NIM1K: variants seen among roughly 807,000 people sequenced by gnomAD.
NIM1K encodes serine/threonine-protein kinase NIM1.
A neutral mutation model predicts 37.1 loss-of-function variants in NIM1K; 35 were observed. The observed-to-expected ratio is 0.94, with a 90% CI of 0.72 to 1.25. The LOEUF (loss-of-function observed/expected upper bound fraction) is 1.25, where lower values mean the gene tolerates loss of function less well. NIM1K is among the 50% of genes most tolerant of loss of function. The pLI, the probability that NIM1K is intolerant of heterozygous loss-of-function variation, is 0.00. For missense variants in NIM1K, 564 were observed against 548.0 expected (o/e 1.03, Z -0.29); for synonymous variants, 234 against 206.6 (o/e 1.13, Z -1.14).
intron 1 of NIM1K, among the ~76,000 whole-genome samples, chr5:43,244,013 C>T (rs574271506): frequency 9.2e-5 from 14 of 152,362 alleles, no homozygotes; most frequent in Admixed American, 2.0e-4. Context: ...AGATTCCTTT[C>T]TCTCTATCCA....
At chr5:43,231,062 AATCCCAGG>A (rs1464638074) in intron 1 of NIM1K, among the ~76,000 whole-genome samples, 3 of 152,210 alleles carry the variant, frequency 2.0e-5, no homozygotes, top group African/African-American at 7.2e-5. Context: ...TCACACCTAT[AATCCCAGG>A]ATTTTGAGAG....
In NIM1K at chr5:43,261,830, C is replaced by T. The variant is rs146781908; in HGVS notation, c.293-15227C>T. ...TCCAGTTTCCACTTTCTACATATGG[C>T]CAGCCAGTTTTCCCAGCACCACTTA... On this transcript the variant is annotated intron_variant, in intron 2 of 3. Transcript: ENST00000326035. Among the ~76,000 whole-genome samples the T allele has an allele frequency of 7.1e-3, 1,076 of 152,280 alleles. 17 individuals carry two copies. The highest frequency in any genetic ancestry group is 0.025 in the African/African-American group (1,027 of 41,530).
chr5:43,280,129 T>A lies in NIM1K; in HGVS notation c.711T>A (p.Ala237=). 1 of 1,614,216 alleles carries A rather than the reference T, an allele frequency of 6.2e-7. No homozygotes were observed. Among genetic ancestry groups the A allele is most frequent in the South Asian group, 1.1e-5 (1 of 91,084 alleles). ...CTTTCTGTGGGTCTCCTCCCTACGC[T>A]GCGCCTGAACTCTTCCGGGACGAGC... ...LNTFCGSPPY[A]APELFRDEHY... Residue 237 remains alanine, a synonymous_variant, in exon 4 of 4, where the codon GCT becomes GCA. Transcript: ENST00000326035.
intron 2 of NIM1K, among the ~76,000 whole-genome samples, chr5:43,276,632 TTC>T (rs1753344717): frequency 6.6e-6 from 1 of 152,216 alleles, no homozygotes; most frequent in African/African-American, 2.4e-5. Flanking sequence ...AGAGAAAATC[TTC>T]TAGGCATGAA....
intron 1 of NIM1K, among the ~76,000 whole-genome samples, chr5:43,219,597 G>C (rs1184726354): frequency 6.6e-6 from 1 of 152,068 alleles, no homozygotes; most frequent in African/African-American, 2.4e-5. Flanking sequence ...ATGATATCAG[G>C]TGATATTAAA....
At chr5:43,260,576 AC>A (rs1265055412) in intron 2 of NIM1K, among the ~76,000 whole-genome samples, 4 of 151,906 alleles carry the variant, frequency 2.6e-5, no homozygotes, top group Non-Finnish European at 5.9e-5. Context: ...ATATTTATTG[AC>A]TTGCATATAT....
At chr5:43,265,614 C>T (rs1376749656) in intron 2 of NIM1K, among the ~76,000 whole-genome samples, 1 of 152,234 alleles carries the variant, frequency 6.6e-6, no homozygotes, top group Non-Finnish European at 1.5e-5. Flanking sequence ...CTGGAGCCTT[C>T]TTCTCTCAAC....
chr5:43,240,893 T>C (rs2112256466), intron 1 of NIM1K, among the ~76,000 whole-genome samples: 1 of 152,068 alleles, frequency 6.6e-6, no homozygotes, highest in East Asian at 1.9e-4. Flanking sequence ...CTTAACAGTA[T>C]ATCTTGGATA....
chr5:43,266,647 GAA>G (rs1163758772), intron 2 of NIM1K, among the ~76,000 whole-genome samples: 2 of 152,208 alleles, frequency 1.3e-5, no homozygotes, highest in African/African-American at 4.8e-5. Context: ...CCAGTGCGAT[GAA>G]CGCGGTACCT....
intron 2 of NIM1K, among the ~76,000 whole-genome samples, chr5:43,274,531 G>T (rs1753309390): frequency 6.6e-6 from 1 of 152,190 alleles, no homozygotes; most frequent in Admixed American, 6.5e-5. Flanking sequence ...ATAAATAGGT[G>T]AAGGGACTCT....
Position 43,280,395 on chromosome 5 carries a change from A to G in NIM1K, c.977A>G (p.Gln326Arg). 1.2e-6 allele frequency: 2 copies of G among 1,614,192 alleles called. No homozygotes were observed. The highest frequency in any genetic ancestry group is 2.2e-5 in the East Asian group (1 of 44,876). ...IDCIMNDEWM[Q>R]GVPYPTPLEP... Reference sequence around the variant, plus strand: ...TGCATCATGAATGATGAATGGATGCAAGGGGTGCCATACCCTACACCTTTG... The same window carrying G: ...TGCATCATGAATGATGAATGGATGCGAGGGGTGCCATACCCTACACCTTTG... The change falls in exon 4 of 4, where the codon CAA becomes CGA. Residue 326 changes from glutamine (Q) to arginine (R), a missense_variant. By Grantham distance (43) the Gln-to-Arg change is conservative. Coordinates refer to ENST00000326035, the MANE Select transcript of NIM1K (RefSeq NM_153361.4).
chr5:43,275,102 C>T (rs1288743690), intron 2 of NIM1K, among the ~76,000 whole-genome samples: 1 of 152,134 alleles, frequency 6.6e-6, no homozygotes, highest in Non-Finnish European at 1.5e-5. Context: ...ATAAGCAAAA[C>T]TAAATTGAAA....
chr5:43,212,464 C>T lies in NIM1K; in HGVS notation c.-695+20053C>T, dbSNP rs140226973. Among the ~76,000 whole-genome samples the T allele has an allele frequency of 2.2e-3, 335 of 151,744 alleles. 2 individuals are homozygous for T. Among genetic ancestry groups the T allele is most frequent in the Non-Finnish European group, 4.1e-3 (278 of 67,646 alleles). On this transcript the variant is annotated intron_variant, in intron 1 of 3. Coordinates refer to ENST00000326035, the MANE Select transcript of NIM1K (RefSeq NM_153361.4). ...AAATCCCTCCACAGTCTTTAAAATG[C>T]TCAGGACCAGAGTCAGCCTGTAACA...
In NIM1K at chr5:43,213,236, TCCTTTC is replaced by T. The variant is rs1561074950; in HGVS notation, c.-695+20826_-695+20831del. On this transcript the variant is annotated intron_variant, in intron 1 of 3. Transcript: ENST00000326035. ...TTCTTTCTTTCTTTCCTTCTTTTCT[TCCTTTC>T]TTTCTTTCTTGTTCTTTCTTGTTTC... is the stretch of plus-strand genomic sequence containing the variant. Among the ~76,000 whole-genome samples, 8 of 148,698 alleles carry T rather than the reference TCCTTTC, an allele frequency of 5.4e-5. 1 individual carries two copies. The highest frequency in any genetic ancestry group is 1.7e-4 in the African/African-American group (7 of 40,024).
chr5:43,193,196 A>C (rs1057015071), intron 1 of NIM1K: 3 of 152,198 alleles, frequency 2.0e-5, no homozygotes, highest in African/African-American at 7.2e-5. Context: ...TGCTTGACAC[A>C]TCTTGGCAGA....
intron 1 of NIM1K, among the ~76,000 whole-genome samples, chr5:43,200,745 G>A (rs1390234478): frequency 6.6e-6 from 1 of 152,192 alleles, no homozygotes; most frequent in Non-Finnish European, 1.5e-5. Context: ...AAAGAGTTGA[G>A]GTCAGCTGGT....
chr5:43,243,695 A>G (rs1752737217), intron 1 of NIM1K, among the ~76,000 whole-genome samples: 1 of 151,986 alleles, frequency 6.6e-6, no homozygotes, highest in Admixed American at 6.6e-5. Flanking sequence ...TGTTTTTTTG[A>G]GACAGGGTCC....
At chr5:43,230,541 G>A (rs1752522943) in intron 1 of NIM1K, among the ~76,000 whole-genome samples, 1 of 152,080 alleles carries the variant, frequency 6.6e-6, no homozygotes, top group Non-Finnish European at 1.5e-5. Context: ...AAACTTCTCT[G>A]TTATAAAATA....
In NIM1K at chr5:43,245,636, A is replaced by T; in HGVS notation, c.-140A>T. ...CTTCCTCTCACTAAAGCCGAGAGGG[A>T]GGCTGCTCAGCTCTCAGGAAAACTC... On this transcript the variant is annotated 5_prime_UTR_variant, in exon 2 of 4. Transcript: ENST00000326035. 1.3e-6 allele frequency: 1 copy of T among 759,146 alleles called. No homozygotes were observed. Among genetic ancestry groups the T allele is most frequent in the Non-Finnish European group, 2.1e-6 (1 of 476,218 alleles). The allele number at this position is 759,146 out of a possible 1,614,324, so 47.0% of individuals were successfully genotyped here. A position where few individuals can be genotyped will look rare whatever the true frequency, so the allele number is the denominator to read the frequency against.
Sources: gnomAD v4.1 joint callset for allele counts (sites outside exome capture counted in the v4.1 genomes callset) on GRCh38, gnomAD v4.1.1 for gene constraint, MANE v1.5 for transcripts, NCBI Gene and HGNC (gene_info 2026-07-23, HGNC 2026-07-21) for gene names.